The following CCDC51 variants were observed in gnomAD, a reference collection of about 807,000 sequenced individuals.
CCDC51 encodes coiled-coil domain containing 51, also known as mitochondrial potassium channel.
In CCDC51, 25 loss-of-function variants were observed where a neutral mutation model predicts 24.8. The ratio of observed to expected loss-of-function variants is 1.01; its 90% CI spans 0.73 to 1.41. CCDC51 has a LOEUF of 1.41. Among genes scored for constraint, CCDC51 ranks in the 40% most tolerant of loss-of-function variants. CCDC51 has a pLI of 0.00. For synonymous variants in CCDC51, 190 were observed against 204.3 expected, an observed-to-expected ratio of 0.93 and a Z score of 0.60; for missense variants, 466 against 519.1, an observed-to-expected ratio of 0.90 and a Z score of 0.99.
rs1288095592 is a variant in CCDC51 at position 48,432,274 on chromosome 3, G to A, written c.*134C>T. The stretch of plus-strand genomic sequence containing the variant: ...TCTACAAAGCGAAGCATGCCTGCTG[G>A]TGAGCCACACAGATACTGCTCCTTC... On this transcript the variant is annotated 3_prime_UTR_variant, in exon 4 of 4. Coordinates refer to ENST00000395694, the MANE Select transcript of CCDC51 (RefSeq NM_001256964.2). 1 of 993,128 alleles carries A rather than the reference G, an allele frequency of 1.0e-6. No individual in the cohort carries two copies. The highest frequency in any genetic ancestry group is 1.5e-6 in the Non-Finnish European group (1 of 684,540). 61.5% of individuals were successfully genotyped at this position (993,128 alleles called of 1,614,324 possible). A position where few individuals can be genotyped will look rare whatever the true frequency, so the allele number is the denominator to read the frequency against.
chr3:48,443,746 C>A, upstream of CCDC51: 1 of 850,010 alleles, frequency 1.2e-6, no homozygotes, highest in Non-Finnish European at 1.7e-6. Context: ...AAGTGAATGC[C>A]CAATACAAAA....
upstream of CCDC51, chr3:48,440,239 G>C (rs1011323684): frequency 6.4e-7 from 1 of 1,564,016 alleles, no homozygotes. Flanking sequence ...CTACGACAAA[G>C]GGTGGGGCAG....
In CCDC51 at chr3:48,433,221, C is replaced by CTA; in HGVS notation, c.478-57_478-56dup. 1.3e-6 allele frequency: 2 copies of CTA among 1,537,018 alleles called. No individual in the cohort carries two copies. The highest frequency in any genetic ancestry group is 2.4e-5 in the South Asian group (2 of 83,740). ...ACATGGGCACAAGGTGGCCCTGCAG[C>CTA]TATAGCCACCAGCAGATGGCTCACT... On this transcript the variant is annotated intron_variant, in intron 3 of 3. Coordinates refer to ENST00000395694, the MANE Select transcript of CCDC51 (RefSeq NM_001256964.2). The surrounding 1 kb of genome is among the most constrained non-coding windows in gnomAD (Gnocchi z 4.4).
rs2039239523 is a variant in CCDC51, at chr3:48,433,121, C to CAGA, written c.520_522dup (p.Ser174dup). ...GAGAAGAGGGAGAACTTCTCTCGCT[C>CAGA]AGAGTCTTCTGCACGCAGATAGGCT... On this transcript the variant is annotated inframe_insertion, in exon 4 of 4. Transcript: ENST00000395694. This position sits in a 1 kb window ranked among gnomAD's most constrained non-coding sequence, Gnocchi z 4.4. 4 of 1,613,800 alleles carry CAGA rather than the reference C, an allele frequency of 2.5e-6. No individual in the cohort carries two copies. The East Asian group carries it at 8.9e-5, about 36-fold the overall frequency.
the CCDC51 span, among the ~76,000 whole-genome samples, chr3:48,445,557 C>T: frequency 6.6e-6 from 1 of 152,178 alleles, no homozygotes; most frequent in Non-Finnish European, 1.5e-5. Flanking sequence ...TTGGTGGAAC[C>T]TATCCCTCTT....
upstream of CCDC51, chr3:48,440,298 T>G (rs762935347): frequency 2.6e-5 from 42 of 1,606,410 alleles, no homozygotes; most frequent in Non-Finnish European, 3.5e-5. Context: ...GCAGGCGCCA[T>G]GTCCGGCCGC....
At chr3:48,440,270 G>A (rs2039521752), upstream of CCDC51, 2 of 1,589,152 alleles carry the variant, frequency 1.3e-6, no homozygotes, top group Admixed American at 1.7e-5. Flanking sequence ...TCCGGTGGCA[G>A]GGTCTGGGGA....
At chr3:48,440,352 G>C (rs775498178), upstream of CCDC51, 3 of 1,611,926 alleles carry the variant, frequency 1.9e-6, no homozygotes, top group Non-Finnish European at 1.7e-6. Flanking sequence ...GGGACGGCGG[G>C]GTGGGGACCG....
At chr3:48,441,988 CT>C (rs2039579891), upstream of CCDC51, among the ~76,000 whole-genome samples, 1 of 151,976 alleles carries the variant, frequency 6.6e-6, no homozygotes. Context: ...AATCCAAGTG[CT>C]TTGGGAGGCC....
chr3:48,433,942 C>A lies in CCDC51; in HGVS notation c.313-71G>T, dbSNP rs1202914507. On this transcript the variant is annotated intron_variant, in intron 2 of 3. Transcript: ENST00000395694. This position sits in a 1 kb window ranked among gnomAD's most constrained non-coding sequence, Gnocchi z 4.4. ...CACACAGGCTCAGCTGCATTCCCAG[C>A]AAGGCATTCCCAGAAGAGGTCACTG... 3.2e-6 allele frequency: 5 copies of A among 1,555,292 alleles called. No individual in the cohort carries two copies. Among genetic ancestry groups the A allele is most frequent in the Non-Finnish European group, 2.6e-6 (3 of 1,150,836 alleles).
At chr3:48,444,707 T>C (rs1423967266), upstream of CCDC51, among the ~76,000 whole-genome samples, 2 of 152,188 alleles carry the variant, frequency 1.3e-5, no homozygotes, top group African/African-American at 4.8e-5. Flanking sequence ...AACGGAACAG[T>C]TCCTGTTGTC....
upstream of CCDC51, chr3:48,440,231 A>G (rs768827564): frequency 9.1e-6 from 14 of 1,546,938 alleles, no homozygotes; most frequent in East Asian, 2.2e-5. Context: ...CTCGCTGTCT[A>G]CGACAAAGGG....
chr3:48,437,671 A>G lies in CCDC51; in HGVS notation c.-9+2317T>C, dbSNP rs1175786034. Among the ~76,000 whole-genome samples the G allele has an allele frequency of 1.3e-5, 2 of 151,902 alleles. No individual in the cohort carries two copies. Among genetic ancestry groups the G allele is most frequent in the Non-Finnish European group, 2.9e-5 (2 of 67,986 alleles). ...GTCTCCTACCAACTGCCCCTTCCTC[A>G]AGCCTCTATCATCTGTTCCTCATCT... is the stretch of plus-strand genomic sequence containing the variant. On this transcript the variant is annotated intron_variant, in intron 1 of 3. Transcript: ENST00000395694. The surrounding 1 kb of genome is among the most constrained non-coding windows in gnomAD (Gnocchi z 4.2).
chr3:48,436,173 C>G (rs1159912373), intron 1 of CCDC51, among the ~76,000 whole-genome samples: 1 of 152,132 alleles, frequency 6.6e-6, no homozygotes, highest in Non-Finnish European at 1.5e-5. Context: ...AAGCACTGAT[C>G]CTGGCTGTGA....
Position 48,432,886 on chromosome 3 carries a change from G to C in CCDC51, c.758C>G (p.Ser253Cys), listed in dbSNP as rs770805221. Residue 253 changes from serine to cysteine, a missense_variant, in exon 4 of 4, where the codon TCT (serine) becomes TGT (cysteine). Physicochemically the swap from Ser to Cys is moderately radical, Grantham distance 112. Transcript: ENST00000395694. ...SLQEAIREQA[S>C]SYSRQQRDLH... ...GTCCCTCTGCTGGCGGGAGTAGCTA[G>C]ACGCCTGTTCTCGAATGGCCTCTTG... 2 of 1,614,078 alleles carry C rather than the reference G, an allele frequency of 1.2e-6. No individual in the cohort carries two copies. Among genetic ancestry groups the C allele is most frequent in the Non-Finnish European group, 1.7e-6 (2 of 1,180,030 alleles).
chr3:48,437,197 C>T lies in CCDC51; in HGVS notation c.-8-2061G>A, dbSNP rs560528644. On this transcript the variant is annotated intron_variant, in intron 1 of 3. Transcript: ENST00000395694. This position sits in a 1 kb window ranked among gnomAD's most constrained non-coding sequence, Gnocchi z 4.2. ...ACCACTCCCTCCCCAGCTACCTTCT[C>T]TGCTTTATTTTTCTCCTGATGGATA... is the stretch of plus-strand genomic sequence containing the variant. 7.9e-5 allele frequency among the ~76,000 whole-genome samples: 12 copies of T among 152,346 alleles called. No homozygotes were observed. The highest frequency in any genetic ancestry group is 2.9e-4 in the African/African-American group (12 of 41,574).
In CCDC51 at chr3:48,437,167, C is replaced by T. The variant is rs956559911; in HGVS notation, c.-8-2031G>A. Among the ~76,000 whole-genome samples the T allele has an allele frequency of 2.4e-4, 36 of 152,324 alleles. No homozygotes were observed. The highest frequency in any genetic ancestry group is 8.4e-4 in the African/African-American group (35 of 41,576). ...CAAATATCACCTCTCAGTAAGGCTT[C>T]CTTGACCACTCCCTCCCCAGCTACC... is the stretch of plus-strand genomic sequence containing the variant. On this transcript the variant is annotated intron_variant, in intron 1 of 3. Transcript: ENST00000395694. The surrounding 1 kb of genome is among the most constrained non-coding windows in gnomAD (Gnocchi z 4.2).
In CCDC51 at chr3:48,432,588, T is replaced by G. The variant is rs368974562; in HGVS notation, c.1056A>C (p.Pro352=). The G allele has an allele frequency of 2.5e-5, 40 of 1,614,154 alleles. No homozygotes were observed. Among genetic ancestry groups the G allele is most frequent in the Non-Finnish European group, 3.2e-5 (38 of 1,180,054 alleles). Residue 352 remains proline, a synonymous_variant, in exon 4 of 4, where the codon CCA becomes CCC. Transcript: ENST00000395694. ...KSAAHPGLVE[P]ADGAMPSFLL... is the part of the protein sequence containing the mutation. ...AGAAGCTGGGCATAGCCCCGTCTGCTGGTTCCACCAGGCCTGGGTGTGCTG... is the reference window on the plus strand; with the variant it reads ...AGAAGCTGGGCATAGCCCCGTCTGCGGGTTCCACCAGGCCTGGGTGTGCTG...
chr3:48,440,874 G>C (rs2039544919), upstream of CCDC51: 1 of 577,254 alleles, frequency 1.7e-6, no homozygotes, highest in Admixed American at 3.2e-5. Flanking sequence ...TGCAGAAACG[G>C]AAACAGTGAA....
Sources: gnomAD v4.1 joint callset for allele counts (sites outside exome capture counted in the v4.1 genomes callset) on GRCh38, gnomAD v4.1.1 for gene constraint, Gnocchi (gnomAD v3.1) non-coding constraint, MANE v1.5 for transcripts, NCBI Gene and HGNC (gene_info 2026-07-23, HGNC 2026-07-21) for gene names.